PACS1: variants seen among roughly 807,000 people sequenced by gnomAD.
PACS1 encodes PACS-1.
In PACS1, 24 loss-of-function variants were observed where a neutral mutation model predicts 115.0. The ratio of observed to expected loss-of-function variants is 0.21; its 90% CI spans 0.15 to 0.29. The LOEUF (loss-of-function observed/expected upper bound fraction) is 0.29, where lower values mean the gene tolerates loss of function less well. Ranked by LOEUF, PACS1 falls within the 10% of genes least tolerant of loss-of-function variation. The pLI is 1.00. For synonymous variants in PACS1, 453 were observed against 504.5 expected (o/e 0.90, Z 1.37); for missense variants, 838 against 1,251.2 (o/e 0.67, Z 4.98).
chr11:66,200,768 A>T (rs1389239442), intron 2 of PACS1, among the ~76,000 whole-genome samples: 1 of 152,154 alleles, frequency 6.6e-6, no homozygotes, highest in Non-Finnish European at 1.5e-5. Context: ...GAAACATCAG[A>T]CTTAACCGCA....
rs1859984691 is a variant in PACS1 at position 66,180,537 on chromosome 11, TAG to T, written c.357-12945_357-12944del. On this transcript the variant is annotated intron_variant, in intron 1 of 23. Transcript: ENST00000320580. ...GCCTAGCTAATTTTTGTATTTTTAG[TAG>T]AGACAGGGTTTCACCATGTTGGCCA... Among the ~76,000 whole-genome samples the T allele has an allele frequency of 2.0e-5, 3 of 152,194 alleles. No individual in the cohort carries two copies. In the South Asian group the frequency reaches 6.2e-4, roughly 32 times the overall value.
intron 4 of PACS1, among the ~76,000 whole-genome samples, chr11:66,214,988 A>G (rs1431889278): frequency 6.6e-6 from 1 of 151,778 alleles, no homozygotes; most frequent in Non-Finnish European, 1.5e-5. Context: ...GCTGGAGTGC[A>G]ATGGCACAAT....
intron 20 of PACS1, 61 bp from the exon 21 acceptor site, chr11:66,239,081 C>T (rs1855759101): frequency 1.2e-6 from 2 of 1,611,490 alleles, no homozygotes; most frequent in Admixed American, 3.3e-5. Context: ...GGCTCCTTGC[C>T]ACCACCAAGT....
chr11:66,221,364 T>C (rs1448261167), intron 10 of PACS1, 117 bp downstream of exon 10: 1 of 863,376 alleles, frequency 1.2e-6, no homozygotes, highest in Non-Finnish European at 1.9e-6. Flanking sequence ...AGTGGCCCCA[T>C]TGGCTGGGCA....
intron 1 of PACS1, among the ~76,000 whole-genome samples, chr11:66,138,468 G>A (rs966335861): frequency 6.6e-6 from 1 of 152,136 alleles, no homozygotes; most frequent in African/African-American, 2.4e-5. Flanking sequence ...ACTAGAGTGA[G>A]TCAAGTGACA....
intron 2 of PACS1, among the ~76,000 whole-genome samples, chr11:66,207,234 A>T (rs1590818855): frequency 6.6e-6 from 1 of 152,188 alleles, no homozygotes; most frequent in Non-Finnish European, 1.5e-5. Context: ...TGGGAGGCCA[A>T]GGGGAGCGGA....
Position 66,243,239 on chromosome 11 carries a change from C to T in PACS1, c.2851C>T (p.His951Tyr). The change falls in exon 24 of 24, where the codon CAC becomes TAC. Residue 951 changes from histidine (H) to tyrosine (Y), a missense_variant. By Grantham distance (83) the His-to-Tyr change is moderately conservative. Coordinates refer to ENST00000320580, the MANE Select transcript of PACS1 (RefSeq NM_018026.4). ...AGCCCAGTGGCCCACCCATGTCAAG[C>T]ACTTTCCAGTGGGACTCTTCAGTGG... The part of the protein sequence containing the change: ...LAAQWPTHVK[H>Y]FPVGLFSGSK... 1.9e-6 allele frequency: 3 copies of T among 1,612,046 alleles called. No homozygotes were observed. Among genetic ancestry groups the T allele is most frequent in the Non-Finnish European group, 2.5e-6 (3 of 1,178,968 alleles).
rs113607263 is a variant in PACS1 at position 66,114,435 on chromosome 11, T to C, written c.356+43593T>C. 1.5e-3 allele frequency among the ~76,000 whole-genome samples: 195 copies of C among 133,966 alleles called. 3 individuals are homozygous for C. The highest frequency in any genetic ancestry group is 5.0e-3 in the African/African-American group (189 of 37,540). The allele number at this position is 133,966 out of a possible 152,430, so 87.9% of individuals were successfully genotyped here. Reference sequence around the variant, plus strand: ...TCCGCCTCAAAAAAAAAAAAAAAAGTACCTTGGGGATTTTTCTGTTTTTGT... The same window carrying C: ...TCCGCCTCAAAAAAAAAAAAAAAAGCACCTTGGGGATTTTTCTGTTTTTGT... On this transcript the variant is annotated intron_variant, in intron 1 of 23. Coordinates refer to ENST00000320580, the MANE Select transcript of PACS1 (RefSeq NM_018026.4).
At chr11:66,212,459 C>T (rs1317164489) in intron 4 of PACS1, among the ~76,000 whole-genome samples, 10 of 146,084 alleles carry the variant, frequency 6.8e-5, no homozygotes, top group Non-Finnish European at 3.0e-5. Context: ...TTTTTAGAGA[C>T]GAGGTCTTGC....
intron 1 of PACS1, among the ~76,000 whole-genome samples, chr11:66,125,456 T>C (rs1269899071): frequency 1.3e-5 from 2 of 152,194 alleles, no homozygotes; most frequent in Non-Finnish European, 2.9e-5. Flanking sequence ...AAAGAAGATA[T>C]AAACCAAGTA....
intron 1 of PACS1, among the ~76,000 whole-genome samples, chr11:66,122,365 A>G (rs2134563815): frequency 6.6e-6 from 1 of 152,338 alleles, no homozygotes; most frequent in Non-Finnish European, 1.5e-5. Flanking sequence ...AAAGAAATTA[A>G]TGTTGTTTTC....
chr11:66,206,988 C>T (rs1170923380), intron 2 of PACS1, among the ~76,000 whole-genome samples: 1 of 152,194 alleles, frequency 6.6e-6, no homozygotes, highest in Admixed American at 6.5e-5. Flanking sequence ...ACAATTCCCT[C>T]GAACCCCTTA....
Position 66,233,074 on chromosome 11 carries a change from C to T in PACS1, c.1838+8C>T. The T allele has an allele frequency of 6.3e-6, 10 of 1,591,164 alleles. No individual in the cohort carries two copies. The highest frequency in any genetic ancestry group is 1.7e-5 in the Admixed American group (1 of 59,974). ...CACCCGGATCCAGCGCTAGTAAGGGCTCTGGCCTCCCTTCTCCTGCCCTTA... is the reference window on the plus strand; with the variant it reads ...CACCCGGATCCAGCGCTAGTAAGGGTTCTGGCCTCCCTTCTCCTGCCCTTA... On this transcript the variant is annotated splice_region_variant and intron_variant, in intron 15 of 23. Coordinates refer to ENST00000320580, the MANE Select transcript of PACS1 (RefSeq NM_018026.4). The surrounding 1 kb of genome is among the most constrained non-coding windows in gnomAD (Gnocchi z 4.5).
chr11:66,201,786 AGTAGTT>A (rs1467404389), intron 2 of PACS1, among the ~76,000 whole-genome samples: 1 of 151,344 alleles, frequency 6.6e-6, no homozygotes, highest in Non-Finnish European at 1.5e-5. Context: ...CAGTCTCCTG[AGTAGTT>A]GGGATTACAG....
chr11:66,082,151 T>TG (rs779542090), intron 1 of PACS1, among the ~76,000 whole-genome samples: 1 of 152,232 alleles, frequency 6.6e-6, no homozygotes, highest in African/African-American at 2.4e-5. Flanking sequence ...TGGATTCTCA[T>TG]GGTAAACATC....
intron 2 of PACS1, among the ~76,000 whole-genome samples, chr11:66,200,038 C>T (rs61890326): frequency 0.14 from 16,744 of 122,330 alleles, 1,376 homozygotes; most frequent in Admixed American, 0.28. Flanking sequence ...AAAACAAAAA[C>T]AAAACAAAAC....
chr11:66,172,501 T>G (rs567425997), intron 1 of PACS1, among the ~76,000 whole-genome samples: 2 of 152,302 alleles, frequency 1.3e-5, no homozygotes, highest in Non-Finnish European at 2.9e-5. Flanking sequence ...GAACTGAGGC[T>G]CCCTGTCAAC....
rs56203680 is a variant in PACS1, at chr11:66,202,742, AAT to A, written c.445-7581_445-7580del. ...CATCTCTAGGAAAAAAAAAAAAAAA[AAT>A]ATATATATATATATATATATATATA... On this transcript the variant is annotated intron_variant, in intron 2 of 23. Transcript: ENST00000320580. 5.6e-3 allele frequency among the ~76,000 whole-genome samples: 400 copies of A among 71,582 alleles called. 13 individuals carry two copies. The highest frequency in any genetic ancestry group is 7.6e-3 in the South Asian group (15 of 1,962). 47.0% of individuals were successfully genotyped at this position (71,582 alleles called of 152,430 possible). A position where few individuals can be genotyped will look rare whatever the true frequency, so the allele number is the denominator to read the frequency against.
At chr11:66,110,204 A>G (rs1858155537) in intron 1 of PACS1, among the ~76,000 whole-genome samples, 1 of 152,198 alleles carries the variant, frequency 6.6e-6, no homozygotes. Flanking sequence ...CATGGAATTG[A>G]AATAATTAAA....
Sources: gnomAD v4.1 joint callset for allele counts (sites outside exome capture counted in the v4.1 genomes callset) on GRCh38, gnomAD v4.1.1 for gene constraint, Gnocchi (gnomAD v3.1) non-coding constraint, MANE v1.5 for transcripts, NCBI Gene and HGNC (gene_info 2026-07-23, HGNC 2026-07-21) for gene names.